The following ZNF625 variants were observed in gnomAD, a reference collection of about 807,000 sequenced individuals.
ZNF625 encodes zinc finger protein 625.
A neutral mutation model predicts 11.1 loss-of-function variants in ZNF625; 8 were observed. The observed-to-expected ratio is 0.72, with a 90% CI of 0.42 to 1.30. ZNF625 has a LOEUF of 1.30. Ranked by LOEUF, ZNF625 falls within the 50% of genes most tolerant of loss-of-function variation. The probability of loss-of-function intolerance (pLI) is 0.01; values close to 1 mark genes in which losing one functional copy is unlikely to be tolerated. For synonymous variants in ZNF625, 145 were observed against 153.4 expected, an observed-to-expected ratio of 0.95 and a Z score of 0.41; for missense variants, 349 against 447.6, an observed-to-expected ratio of 0.78 and a Z score of 1.99.
chr19:12,145,915 T>C lies in ZNF625; in HGVS notation c.501A>G (p.Glu167=), dbSNP rs1460537974. The C allele has an allele frequency of 6.2e-7, 1 of 1,614,004 alleles. No individual in the cohort carries two copies. The highest frequency in any genetic ancestry group is 1.3e-5 in the African/African-American group (1 of 74,892). ...HTGGKPYDCE[E]CGKSFISRSS... ...AACGGGAAATAAAGCTTTTTCCACATTCCTCACAATCATAAGGTTTCCCCC... is the reference window on the plus strand; with the variant it reads ...AACGGGAAATAAAGCTTTTTCCACACTCCTCACAATCATAAGGTTTCCCCC... Residue 167 remains glutamate, a synonymous_variant, in exon 4 of 4, where the codon GAA becomes GAG. Coordinates refer to ENST00000439556, the MANE Select transcript of ZNF625 (RefSeq NM_145233.4).
rs371364894 is a variant in ZNF625 at position 12,148,608 on chromosome 19, A to G, written c.4-806T>C. On this transcript the variant is annotated intron_variant, in intron 1 of 3. Coordinates refer to ENST00000439556, the MANE Select transcript of ZNF625 (RefSeq NM_145233.4). ...GAATAGTATGACGGTGCCTGAAAAA[A>G]ATAATATAACTACCATTTTTTTTTT... 2.6e-5 allele frequency among the ~76,000 whole-genome samples: 4 copies of G among 151,090 alleles called. No homozygotes were observed. In the East Asian group the frequency reaches 7.9e-4, roughly 30 times the overall value.
At chr19:12,151,654 T>C (rs981570190) in intron 1 of ZNF625, among the ~76,000 whole-genome samples, 2 of 151,890 alleles carry the variant, frequency 1.3e-5, no homozygotes, top group Non-Finnish European at 2.9e-5. Flanking sequence ...GCTGGGATTA[T>C]AGATGTGAGC....
chr19:12,147,900 C>T (rs940813185), intron 1 of ZNF625, 98 bp from the exon 2 acceptor site: 5 of 1,428,624 alleles, frequency 3.5e-6, no homozygotes, highest in Admixed American at 2.5e-5. Flanking sequence ...CTATGGACTC[C>T]AAACATTTAT....
At chr19:12,149,377 G>GTA (rs112874033) in intron 1 of ZNF625, among the ~76,000 whole-genome samples, 3,035 of 148,668 alleles carry the variant, frequency 0.02, 36 homozygotes, top group South Asian at 0.051. Flanking sequence ...AATGTGATAG[G>GTA]TATATATATA....
intron 1 of ZNF625, 100 bp from the exon 2 acceptor site, chr19:12,147,902 A>G (rs180887721): frequency 1.1e-5 from 16 of 1,428,020 alleles, no homozygotes; most frequent in South Asian, 4.4e-5. Flanking sequence ...ATGGACTCCA[A>G]ACATTTATTC....
At chr19:12,151,680 G>GT (rs1240935254) in intron 1 of ZNF625, among the ~76,000 whole-genome samples, 5 of 151,630 alleles carry the variant, frequency 3.3e-5, no homozygotes, top group African/African-American at 1.2e-4. Context: ...CGCCTGGCCA[G>GT]TTTTTTTTAT....
rs914718320 is a variant in ZNF625 at position 12,145,038 on chromosome 19, G to C, written c.*259C>G. 2 of 406,672 alleles carry C rather than the reference G, an allele frequency of 4.9e-6. No individual in the cohort carries two copies. The highest frequency in any genetic ancestry group is 8.7e-6 in the Non-Finnish European group (2 of 229,046). The allele number at this position is 406,672 out of a possible 1,614,324, so 25.2% of individuals were successfully genotyped here. On this transcript the variant is annotated 3_prime_UTR_variant, in exon 4 of 4. Transcript: ENST00000439556. ...CAAACCTCGTATTTTTTTTATGACA[G>C]AACTGTCTTAAGGTCTTACTGGAGG...
At chr19:12,150,426 C>G (rs763542815) in intron 1 of ZNF625, among the ~76,000 whole-genome samples, 2 of 152,166 alleles carry the variant, frequency 1.3e-5, no homozygotes, top group Non-Finnish European at 2.9e-5. Flanking sequence ...CCCCTCCAAA[C>G]GTGATACCCA....
At position 12,154,324 on chromosome 19, in the gene ZNF625, C is replaced by T. The variant is rs552329474; in HGVS notation, c.3+2232G>A. Among the ~76,000 whole-genome samples, 5 of 152,198 alleles carry T rather than the reference C, an allele frequency of 3.3e-5. 1 individual carries two copies. The South Asian group carries it at 1.0e-3, about 32-fold the overall frequency. On this transcript the variant is annotated intron_variant, in intron 1 of 3. Transcript: ENST00000439556. ...CCAGTGATCCTCCTGCCTCAGTGTC[C>T]CTTGTATCAGGAACTACAGGTGGGT...
intron 1 of ZNF625, among the ~76,000 whole-genome samples, chr19:12,148,901 C>A (rs1976915245): frequency 6.6e-6 from 1 of 151,938 alleles, no homozygotes; most frequent in Non-Finnish European, 1.5e-5. Context: ...GGATTACAGG[C>A]ATGAGCCACT....
chr19:12,151,907 T>G (rs745398642), intron 1 of ZNF625, among the ~76,000 whole-genome samples: 1 of 152,198 alleles, frequency 6.6e-6, no homozygotes, highest in Non-Finnish European at 1.5e-5. Flanking sequence ...TTCCTAGTGT[T>G]TCTCTTGTCA....
Position 12,145,572 on chromosome 19 carries a change from T to C in ZNF625, c.844A>G (p.Lys282Glu), listed in dbSNP as rs1976857403. 2 of 1,610,216 alleles carry C rather than the reference T, an allele frequency of 1.2e-6. No individual in the cohort carries two copies. ...EKPYECKQCGKAFVSFNSVRY... is the reference protein window; with the variant it reads ...EKPYECKQCGEAFVSFNSVRY... Reference sequence around the variant, plus strand: ...ACGGAATTGAAAGAAACAAAGGCTTTCCCACACTGTTTACATTCATACGGC... The same window carrying C: ...ACGGAATTGAAAGAAACAAAGGCTTCCCCACACTGTTTACATTCATACGGC... The change falls in exon 4 of 4, where the codon AAA (lysine) becomes GAA (glutamate). Residue 282 changes from lysine to glutamate, a missense_variant. Physicochemically the swap from Lys to Glu is moderately conservative, Grantham distance 56. Transcript: ENST00000439556.
chr19:12,146,662 A>C (rs941081523), intron 3 of ZNF625, among the ~76,000 whole-genome samples: 1 of 152,012 alleles, frequency 6.6e-6, no homozygotes, highest in African/African-American at 2.4e-5. Flanking sequence ...AAACTCCTAG[A>C]CTCAAGCAAT....
chr19:12,156,554 A>G lies in ZNF625; in HGVS notation c.3+2T>C. 7.0e-7 allele frequency: 1 copy of G among 1,420,270 alleles called. No individual in the cohort carries two copies. Among genetic ancestry groups the G allele is most frequent in the South Asian group, 1.6e-5 (1 of 61,184 alleles). 88.0% of individuals were successfully genotyped at this position (1,420,270 alleles called of 1,614,324 possible). A position where few individuals can be genotyped will look rare whatever the true frequency, so the allele number is the denominator to read the frequency against. The stretch of plus-strand genomic sequence containing the variant: ...TCGGGACCCCCGGCCCCGCACACTC[A>G]CCATTTCCCGGCTTCCAGGTGTCCT... On this transcript the variant is annotated splice_donor_variant, in intron 1 of 3. Coordinates refer to ENST00000439556, the MANE Select transcript of ZNF625 (RefSeq NM_145233.4). LOFTEE classifies it high-confidence loss of function.
chr19:12,156,221 G>A (rs1198536098), intron 1 of ZNF625, among the ~76,000 whole-genome samples: 1 of 152,174 alleles, frequency 6.6e-6, no homozygotes, highest in Non-Finnish European at 1.5e-5. Context: ...CCACACACCC[G>A]AGGCAGGATT....
Position 12,145,682 on chromosome 19 carries a change from T to A in ZNF625, c.734A>T (p.Lys245Met). The change falls in exon 4 of 4, where the codon AAG (lysine) becomes ATG (methionine). Residue 245 changes from lysine (K) to methionine (M), a missense_variant. Lys to Met is a moderately conservative substitution (Grantham distance 95). Coordinates refer to ENST00000439556, the MANE Select transcript of ZNF625 (RefSeq NM_145233.4). ...CCCACACTCACTGCATTCATAAGGC[T>A]TCTCTCCAGTGTGAGTTCTTTCATG... ...RIHERTHTGE[K>M]PYECSECGKA... 1 of 1,614,196 alleles carries A rather than the reference T, an allele frequency of 6.2e-7. No individual in the cohort carries two copies. The highest frequency in any genetic ancestry group is 8.5e-7 in the Non-Finnish European group (1 of 1,180,042).
Position 12,147,808 on chromosome 19 carries a change from A to T in ZNF625, c.4-6T>A, listed in dbSNP as rs773101196. ...TCCTCAAAGACCACTGAATCCTGAA[A>T]CATCCCACATGTGTAAAGAAACATG... is the stretch of plus-strand genomic sequence containing the variant. On this transcript the variant is annotated splice_region_variant and splice_polypyrimidine_tract_variant and intron_variant, in intron 1 of 3. Coordinates refer to ENST00000439556, the MANE Select transcript of ZNF625 (RefSeq NM_145233.4). 48 of 1,613,612 alleles carry T rather than the reference A, an allele frequency of 3.0e-5. 1 individual carries two copies. The East Asian group carries it at 1.0e-3, about 34-fold the overall frequency.
intron 1 of ZNF625, among the ~76,000 whole-genome samples, chr19:12,148,806 T>C (rs1323082599): frequency 1.3e-4 from 19 of 151,438 alleles, no homozygotes; most frequent in Admixed American, 1.2e-3. Flanking sequence ...TTTTTTTTAG[T>C]AGAGACAGGG....
At position 12,145,683 on chromosome 19, in the gene ZNF625, T is replaced by A. The variant is rs768046074; in HGVS notation, c.733A>T (p.Lys245Ter). The A allele has an allele frequency of 2.1e-5, 34 of 1,614,190 alleles. No homozygotes were observed. The highest frequency in any genetic ancestry group is 2.8e-5 in the Non-Finnish European group (33 of 1,180,044). The part of the protein sequence containing the change: ...RIHERTHTGE[K>*]PYECSECGKA... ...CCACACTCACTGCATTCATAAGGCTTCTCTCCAGTGTGAGTTCTTTCATGT... is the reference window on the plus strand; with the variant it reads ...CCACACTCACTGCATTCATAAGGCTACTCTCCAGTGTGAGTTCTTTCATGT... The change falls in exon 4 of 4, where the codon AAG (lysine) becomes TAG (stop). Residue 245 changes from lysine to a stop codon, truncating the protein, a stop_gained. Transcript: ENST00000439556. LOFTEE classifies it low-confidence loss of function (END_TRUNC).
Sources: allele counts gnomAD v4.1 joint callset (sites outside exome capture counted in the v4.1 genomes callset), GRCh38; gene constraint gnomAD v4.1.1; transcripts MANE v1.5; gene names NCBI Gene and HGNC (gene_info 2026-07-23, HGNC 2026-07-21).